DPYSL2: variants seen among roughly 807,000 people sequenced by gnomAD.
The protein encoded by DPYSL2 is dihydropyrimidinase like 2.
A neutral mutation model predicts 69.9 loss-of-function variants in DPYSL2; 13 were observed. That is an observed-to-expected ratio of 0.19 (90% CI 0.12 to 0.30). The LOEUF is 0.30. Among genes scored for constraint, DPYSL2 ranks in the 10% least tolerant of loss-of-function variants. The pLI, the probability that DPYSL2 is intolerant of heterozygous loss-of-function variation, is 1.00. For synonymous variants in DPYSL2, 326 were observed against 359.1 expected (o/e 0.91, Z 1.04); for missense variants, 587 against 918.9 (o/e 0.64, Z 4.67).
intron 3 of DPYSL2, among the ~76,000 whole-genome samples, chr8:26,623,697 G>C (rs1802549567): frequency 2.0e-5 from 3 of 151,966 alleles, no homozygotes; most frequent in Admixed American, 2.0e-4. Flanking sequence ...TAATGCCCGG[G>C]AACTTTTGAA....
Position 26,656,903 on chromosome 8 carries a change from C to G in DPYSL2, c.*1197C>G, listed in dbSNP as rs1009018116. 1.3e-5 allele frequency: 2 copies of G among 152,462 alleles called. No individual in the cohort carries two copies. The highest frequency in any genetic ancestry group is 2.4e-5 in the African/African-American group (1 of 41,430). The allele number at this position is 152,462 out of a possible 1,614,324, so 9.4% of individuals were successfully genotyped here. A position where few individuals can be genotyped will look rare whatever the true frequency, so the allele number is the denominator to read the frequency against. ...TCTCTGGCTAAAGTCACGGTCAAACCTAAACACCGAGCCTCATTAACCCAA... is the reference window on the plus strand; with the variant it reads ...TCTCTGGCTAAAGTCACGGTCAAACGTAAACACCGAGCCTCATTAACCCAA... On this transcript the variant is annotated 3_prime_UTR_variant, in exon 14 of 14. Transcript: ENST00000521913.
At chr8:26,596,661 C>T (rs1353902273) in intron 3 of DPYSL2, among the ~76,000 whole-genome samples, 10 of 152,180 alleles carry the variant, frequency 6.6e-5, no homozygotes, top group African/African-American at 2.4e-5. Context: ...CCATCAACCC[C>T]GAAGATAGAT....
chr8:26,550,391 C>G (rs898539441), intron 1 of DPYSL2, among the ~76,000 whole-genome samples: 1 of 151,860 alleles, frequency 6.6e-6, no homozygotes, highest in African/African-American at 2.4e-5. Flanking sequence ...AAACGAAGAA[C>G]AAGGACAAAA....
At chr8:26,578,182 A>C in intron 1 of DPYSL2, 2 of 1,607,478 alleles carry the variant, frequency 1.2e-6, no homozygotes, top group Non-Finnish European at 1.7e-6. Context: ...AAACAAAAAA[A>C]ACCCAAGTCC....
In DPYSL2 at chr8:26,621,391, T is replaced by C. The variant is rs1164893958; in HGVS notation, c.629-2752T>C. Among the ~76,000 whole-genome samples, 1 of 152,080 alleles carries C rather than the reference T, an allele frequency of 6.6e-6. No homozygotes were observed. The highest frequency in any genetic ancestry group is 3.2e-3 in the Middle Eastern group (1 of 316). On this transcript the variant is annotated intron_variant, in intron 3 of 13. Coordinates refer to ENST00000521913, the MANE Select transcript of DPYSL2 (RefSeq NM_001197293.3). The surrounding 1 kb of genome is among the most constrained non-coding windows in gnomAD (Gnocchi z 4.9). ...TAAGTGAGGGTCTGGCAGAGCAGTG[T>C]TGAGGGGAGGGGTCTTTGCCGCAGC... is the stretch of plus-strand genomic sequence containing the variant.
intron 3 of DPYSL2, among the ~76,000 whole-genome samples, chr8:26,623,510 A>G (rs766475332): frequency 6.6e-6 from 1 of 152,198 alleles, no homozygotes; most frequent in Non-Finnish European, 1.5e-5. Flanking sequence ...GGAGCCAGGA[A>G]ACCAACTCGG....
chr8:26,584,875 T>C (rs558739261), intron 3 of DPYSL2, among the ~76,000 whole-genome samples: 62 of 152,276 alleles, frequency 4.1e-4, no homozygotes, highest in African/African-American at 1.3e-3. Context: ...TGCCTCGGCC[T>C]CCCAAAGTGC....
rs917888026 is a variant in DPYSL2 at position 26,643,108 on chromosome 8, G to A, written c.1127-331G>A. The A allele has an allele frequency of 3.9e-6, 1 of 254,946 alleles. No homozygotes were observed. The highest frequency in any genetic ancestry group is 7.4e-6 in the Non-Finnish European group (1 of 134,494). The allele number at this position is 254,946 out of a possible 1,614,324, so 15.8% of individuals were successfully genotyped here. A position where few individuals can be genotyped will look rare whatever the true frequency, so the allele number is the denominator to read the frequency against. ...GTCCAGATGGCACCTGGGACCGGAT[G>A]CCTGGACACCATCCGAGCAGGAGAT... On this transcript the variant is annotated intron_variant, in intron 8 of 13. Coordinates refer to ENST00000521913, the MANE Select transcript of DPYSL2 (RefSeq NM_001197293.3). The surrounding 1 kb of genome is among the most constrained non-coding windows in gnomAD (Gnocchi z 6.5).
At position 26,639,599 on chromosome 8, in the gene DPYSL2, T is replaced by G. The variant is rs1206703327; in HGVS notation, c.1127-3840T>G. Among the ~76,000 whole-genome samples, 7 of 152,336 alleles carry G rather than the reference T, an allele frequency of 4.6e-5. No individual in the cohort carries two copies. In the South Asian group the frequency reaches 1.0e-3, roughly 23 times the overall value. On this transcript the variant is annotated intron_variant, in intron 8 of 13. Transcript: ENST00000521913. ...ATTCATGTGGTGCTTGAGCTGGGAA[T>G]TTGAATCCCTGAATTCATTCTTCTT...
At position 26,598,334 on chromosome 8, in the gene DPYSL2, A is replaced by G. The variant is rs1480235013; in HGVS notation, c.628+14351A>G. 1.3e-5 allele frequency among the ~76,000 whole-genome samples: 2 copies of G among 152,114 alleles called. No individual in the cohort carries two copies. The highest frequency in any genetic ancestry group is 2.9e-5 in the Non-Finnish European group (2 of 68,040). On this transcript the variant is annotated intron_variant, in intron 3 of 13. Coordinates refer to ENST00000521913, the MANE Select transcript of DPYSL2 (RefSeq NM_001197293.3). The surrounding 1 kb of genome is among the most constrained non-coding windows in gnomAD (Gnocchi z 4.2). Reference sequence around the variant, plus strand: ...ATTAAAATGGTCAGCATTGCTATGAAATGGTTTATTTTTTTGTGGATGTTT... The same window carrying G: ...ATTAAAATGGTCAGCATTGCTATGAGATGGTTTATTTTTTTGTGGATGTTT...
At position 26,654,118 on chromosome 8, in the gene DPYSL2, A is replaced by AGTC. The variant is rs1415807903; in HGVS notation, c.1942+722_1942+724dup. 6.6e-6 allele frequency among the ~76,000 whole-genome samples: 1 copy of AGTC among 152,156 alleles called. No homozygotes were observed. The highest frequency in any genetic ancestry group is 1.5e-5 in the Non-Finnish European group (1 of 68,034). On this transcript the variant is annotated intron_variant, in intron 13 of 13. Transcript: ENST00000521913. This position sits in a 1 kb window ranked among gnomAD's most constrained non-coding sequence, Gnocchi z 5.0. The stretch of plus-strand genomic sequence containing the variant: ...CAGGGCTCAGCTCTGGCTGTGCTTC[A>AGTC]GTCTCCTCACCTGTATAATGGCAAT...
At position 26,621,304 on chromosome 8, in the gene DPYSL2, C is replaced by A. The variant is rs550603419; in HGVS notation, c.629-2839C>A. ...TTTTCTACTCAAAGAATCATATCAT[C>A]AGAAAAAAATTATTATTTCTGCTCA... On this transcript the variant is annotated intron_variant, in intron 3 of 13. Transcript: ENST00000521913. The surrounding 1 kb of genome is among the most constrained non-coding windows in gnomAD (Gnocchi z 4.9). Among the ~76,000 whole-genome samples, 19 of 152,200 alleles carry A rather than the reference C, an allele frequency of 1.2e-4. No homozygotes were observed. Among genetic ancestry groups the A allele is most frequent in the Admixed American group, 6.5e-4 (10 of 15,282 alleles).
intron 1 of DPYSL2, among the ~76,000 whole-genome samples, chr8:26,522,381 T>A (rs1055928016): frequency 2.0e-5 from 3 of 152,230 alleles, no homozygotes; most frequent in African/African-American, 7.2e-5. Context: ...GTAGAATTGC[T>A]GGTCATGTAA....
chr8:26,596,352 A>T (rs2129794449), intron 3 of DPYSL2, among the ~76,000 whole-genome samples: 1 of 152,212 alleles, frequency 6.6e-6, no homozygotes, highest in East Asian at 1.9e-4. Flanking sequence ...TGATTGCAGG[A>T]CAGCAGTGCA....
At chr8:26,568,144 G>C (rs1001423312) in intron 1 of DPYSL2, among the ~76,000 whole-genome samples, 13 of 152,176 alleles carry the variant, frequency 8.5e-5, no homozygotes, top group Non-Finnish European at 1.5e-4. Flanking sequence ...TGCTTGATAG[G>C]AAGATAGGAA....
At chr8:26,556,495 A>G (rs1800990087) in intron 1 of DPYSL2, among the ~76,000 whole-genome samples, 1 of 123,322 alleles carries the variant, frequency 8.1e-6, no homozygotes, top group Admixed American at 9.1e-5. Context: ...TCAAGATTGT[A>G]GGATATAAGG....
chr8:26,587,887 G>A lies in DPYSL2; in HGVS notation c.628+3904G>A, dbSNP rs1487511141. Among the ~76,000 whole-genome samples the A allele has an allele frequency of 6.6e-6, 1 of 152,190 alleles. No individual in the cohort carries two copies. The highest frequency in any genetic ancestry group is 2.4e-5 in the African/African-American group (1 of 41,454). ...TGGGAACAGTTACCTCTATTTTATA[G>A]AGGGGAAGACTGAGGCCGGAAGGAC... On this transcript the variant is annotated intron_variant, in intron 3 of 13. Transcript: ENST00000521913. The surrounding 1 kb of genome is among the most constrained non-coding windows in gnomAD (Gnocchi z 4.2).
chr8:26,596,762 C>T (rs1585534160), intron 3 of DPYSL2, among the ~76,000 whole-genome samples: 1 of 152,364 alleles, frequency 6.6e-6, no homozygotes, highest in East Asian at 1.9e-4. Flanking sequence ...AGTGCGAGGG[C>T]TGGGATTCCA....
intron 3 of DPYSL2, among the ~76,000 whole-genome samples, chr8:26,600,805 T>G (rs1034158250): frequency 1.3e-5 from 2 of 152,242 alleles, no homozygotes; most frequent in Non-Finnish European, 2.9e-5. Context: ...CTCCATTCCC[T>G]TGAGCCTGGC....
Sources: gnomAD v4.1 joint callset for allele counts (sites outside exome capture counted in the v4.1 genomes callset) on GRCh38, gnomAD v4.1.1 for gene constraint, Gnocchi (gnomAD v3.1) non-coding constraint, MANE v1.5 for transcripts, NCBI Gene and HGNC (gene_info 2026-07-23, HGNC 2026-07-21) for gene names.